Variants in DAB1 observed in about 807,000 individuals in gnomAD.
DAB1 encodes the protein disabled homolog 1.
DAB1 carries 15 observed loss-of-function variants against 64.6 expected under a neutral mutation model. The observed-to-expected ratio is 0.23, with a 90% CI of 0.16 to 0.36. The LOEUF (loss-of-function observed/expected upper bound fraction) is 0.36, where lower values mean the gene tolerates loss of function less well. DAB1 is among the 10% of genes least tolerant of loss of function. The probability of loss-of-function intolerance (pLI) is 1.00; values close to 1 mark genes in which losing one functional copy is unlikely to be tolerated. For synonymous variants in DAB1, 235 were observed against 251.9 expected (o/e 0.93, Z 0.64); for missense variants, 596 against 706.7 (o/e 0.84, Z 1.78).
intron 7 of DAB1, among the ~76,000 whole-genome samples, chr1:57,598,318 G>A (rs1645535786): frequency 6.6e-6 from 1 of 152,266 alleles, no homozygotes; most frequent in Admixed American, 6.5e-5. Context: ...TGGTGATGCT[G>A]CCCATGCACA....
chr1:57,092,023 C>G (rs1653727299), intron 4 of DAB1, among the ~76,000 whole-genome samples: 1 of 152,316 alleles, frequency 6.6e-6, no homozygotes, highest in East Asian at 1.9e-4. Flanking sequence ...TTTCATCTCT[C>G]TTTGGCACAT....
chr1:58,116,950 C>G (rs1456223360), intron 5 of DAB1, among the ~76,000 whole-genome samples: 4 of 152,162 alleles, frequency 2.6e-5, no homozygotes, highest in Non-Finnish European at 5.9e-5. Flanking sequence ...ACACAAAGGA[C>G]AACCTAACAG....
intron 1 of DAB1, among the ~76,000 whole-genome samples, chr1:57,856,110 C>T (rs1235389908): frequency 2.6e-5 from 4 of 152,118 alleles, no homozygotes; most frequent in South Asian, 4.1e-4. Context: ...AGCAGAGAGT[C>T]GGTATCCACA....
At chr1:57,949,909 C>G (rs926094778) in intron 5 of DAB1, among the ~76,000 whole-genome samples, 2 of 152,136 alleles carry the variant, frequency 1.3e-5, no homozygotes, top group Non-Finnish European at 2.9e-5. Context: ...TCCCTTAAAT[C>G]CTCAGAAAAG....
intron 1 of DAB1, among the ~76,000 whole-genome samples, chr1:57,386,203 C>T (rs1364804695): frequency 6.6e-6 from 1 of 151,946 alleles, no homozygotes; most frequent in Admixed American, 6.6e-5. Context: ...TATTCATCAG[C>T]CTTTGAATAG....
chr1:58,321,465 C>T (rs533491149), intron 4 of DAB1, among the ~76,000 whole-genome samples: 3 of 152,364 alleles, frequency 2.0e-5, no homozygotes, highest in East Asian at 1.9e-4. Context: ...GGCATCACCT[C>T]ACCTGGGAAG....
At chr1:58,033,490 T>C (rs1344642332) in intron 5 of DAB1, among the ~76,000 whole-genome samples, 1 of 152,202 alleles carries the variant, frequency 6.6e-6, no homozygotes, top group African/African-American at 2.4e-5. Context: ...ATCGGGAATA[T>C]GACTAAAACA....
intron 7 of DAB1, among the ~76,000 whole-genome samples, chr1:57,483,534 G>A (rs567195455): frequency 2.6e-5 from 4 of 152,208 alleles, no homozygotes; most frequent in African/African-American, 9.6e-5. Context: ...AAATTACCCA[G>A]TCTCGGGTAT....
intron 4 of DAB1, among the ~76,000 whole-genome samples, chr1:58,157,973 A>G (rs1416026841): frequency 6.6e-6 from 1 of 152,212 alleles, no homozygotes; most frequent in Non-Finnish European, 1.5e-5. Flanking sequence ...TTGCACAATT[A>G]CTGCAAATGC....
rs1021769646 is a variant in DAB1 at position 58,131,393 on chromosome 1, T to G, written n.387+19118A>C. On this transcript the variant is annotated intron_variant and non_coding_transcript_variant, in intron 5 of 20. Transcript: ENST00000485760. ...TTTCAAAGTTTTCAACTTCATTGCC[T>G]TTGGTTTGAATGTCCTCCCATAGCT... is the stretch of plus-strand genomic sequence containing the variant. 5.6e-5 allele frequency among the ~76,000 whole-genome samples: 8 copies of G among 143,566 alleles called. 1 individual carries two copies. The highest frequency in any genetic ancestry group is 7.7e-5 in the Non-Finnish European group (5 of 65,022). 94.2% of individuals were successfully genotyped at this position (143,566 alleles called of 152,430 possible). A position where few individuals can be genotyped will look rare whatever the true frequency, so the allele number is the denominator to read the frequency against.
chr1:58,123,804 G>A (rs968308300), intron 5 of DAB1, among the ~76,000 whole-genome samples: 73 of 152,186 alleles, frequency 4.8e-4, no homozygotes, highest in African/African-American at 1.6e-3. Context: ...ATTCATGTCT[G>A]AGACTCTGTG....
chr1:57,086,652 C>T (rs1197549213), intron 4 of DAB1, among the ~76,000 whole-genome samples: 1 of 146,304 alleles, frequency 6.8e-6, no homozygotes, highest in East Asian at 2.0e-4. Context: ...TAAACACACA[C>T]ACACACACAC....
chr1:57,183,371 A>C (rs1229751842), intron 2 of DAB1, among the ~76,000 whole-genome samples: 2 of 152,242 alleles, frequency 1.3e-5, no homozygotes, highest in African/African-American at 2.4e-5. Context: ...ACACTGGAGA[A>C]ATACAGAGAC....
chr1:57,033,472 T>A, intron 9 of DAB1: 1 of 1,612,738 alleles, frequency 6.2e-7, no homozygotes, highest in Non-Finnish European at 8.5e-7. Context: ...ATGAAATGAA[T>A]GATGAGAAAA....
At chr1:58,405,771 T>A (rs978427444) in intron 3 of DAB1, among the ~76,000 whole-genome samples, 6 of 152,214 alleles carry the variant, frequency 3.9e-5, no homozygotes, top group Admixed American at 6.5e-5. Flanking sequence ...AGTGGACAAA[T>A]GAACATTAGC....
At chr1:58,277,148 T>A (rs930933074) in intron 4 of DAB1, among the ~76,000 whole-genome samples, 1 of 150,122 alleles carries the variant, frequency 6.7e-6, no homozygotes, top group Non-Finnish European at 1.5e-5. Flanking sequence ...CAAGCGATTC[T>A]CTTGCCTCAG....
intron 5 of DAB1, among the ~76,000 whole-genome samples, chr1:58,013,073 A>G (rs1401860522): frequency 2.6e-5 from 4 of 152,180 alleles, no homozygotes; most frequent in Admixed American, 2.6e-4. Context: ...AGGGTCCTGT[A>G]ACTGGGTTCT....
At chr1:57,049,655 T>C (rs1442769297) in intron 9 of DAB1, among the ~76,000 whole-genome samples, 2 of 151,934 alleles carry the variant, frequency 1.3e-5, no homozygotes. Flanking sequence ...CGCTTTTTCA[T>C]CTGCAATGCC....
At chr1:57,219,736 G>A (rs1452717582) in intron 2 of DAB1, among the ~76,000 whole-genome samples, 2 of 152,148 alleles carry the variant, frequency 1.3e-5, no homozygotes, top group African/African-American at 4.8e-5. Context: ...ATGGTAGTCA[G>A]CAAGAAAACA....
Sources: allele counts gnomAD v4.1 joint callset (sites outside exome capture counted in the v4.1 genomes callset), GRCh38; gene constraint gnomAD v4.1.1; transcripts MANE v1.5; gene names NCBI Gene and HGNC (gene_info 2026-07-23, HGNC 2026-07-21).